C4orf36: variants seen among roughly 807,000 people sequenced by gnomAD.
C4orf36 encodes the protein uncharacterized protein C4orf36.
C4orf36 carries 11 observed loss-of-function variants against 12.2 expected under a neutral mutation model. The ratio of observed to expected loss-of-function variants is 0.90; its 90% confidence interval spans 0.57 to 1.49. The LOEUF (loss-of-function observed/expected upper bound fraction) is 1.49, where lower values mean the gene tolerates loss of function less well. C4orf36 is among the 40% of genes most tolerant of loss of function. The probability of loss-of-function intolerance (pLI) is 0.00; values close to 1 mark genes in which losing one functional copy is unlikely to be tolerated. For synonymous variants in C4orf36, 54 were observed against 51.3 expected, an observed-to-expected ratio of 1.05 and a Z score of -0.22; for missense variants, 137 against 133.9, an observed-to-expected ratio of 1.02 and a Z score of -0.11.
At chr4:86,901,177 G>A in the C4orf36 span, among the ~76,000 whole-genome samples, 1 of 151,650 alleles carries the variant, frequency 6.6e-6, no homozygotes, top group South Asian at 2.1e-4. Context: ...TACAGATGGG[G>A]TTTCACCATG....
At chr4:86,922,443 C>T in the C4orf36 span, among the ~76,000 whole-genome samples, 1 of 152,192 alleles carries the variant, frequency 6.6e-6, no homozygotes, top group Non-Finnish European at 1.5e-5. Context: ...CAATTTATTG[C>T]TCCTTAGTCC....
the C4orf36 span, among the ~76,000 whole-genome samples, chr4:86,903,931 C>T: frequency 0.46 from 69,379 of 152,076 alleles, 17,299 homozygotes; most frequent in South Asian, 0.68. Context: ...CTGATTGGTG[C>T]GTTTACAAAC....
intron 2 of C4orf36, 124 bp downstream of exon 2, chr4:86,891,332 A>C: frequency 1.2e-6 from 1 of 815,812 alleles, no homozygotes; most frequent in South Asian, 2.0e-5. Flanking sequence ...CAGACACCTC[A>C]AAATACTTCA....
the C4orf36 span, among the ~76,000 whole-genome samples, chr4:86,927,770 G>A: frequency 6.7e-6 from 1 of 149,106 alleles, no homozygotes; most frequent in African/African-American, 2.5e-5. Context: ...CTGCACTCCA[G>A]CCTGGGCAAC....
the C4orf36 span, chr4:86,913,612 G>T: frequency 7.0e-7 from 1 of 1,420,146 alleles, no homozygotes; most frequent in South Asian, 1.2e-5. Flanking sequence ...AAACACTTAG[G>T]AGCAGCAGGA....
the C4orf36 span, among the ~76,000 whole-genome samples, chr4:86,901,382 C>A: frequency 6.6e-6 from 1 of 151,500 alleles, no homozygotes; most frequent in Non-Finnish European, 1.5e-5. Context: ...CACACTCACA[C>A]ACACAGCTTT....
intron 4 of C4orf36, among the ~76,000 whole-genome samples, chr4:86,878,960 G>T (rs751383724): frequency 3.1e-4 from 47 of 152,220 alleles, no homozygotes; most frequent in East Asian, 1.9e-4. Context: ...TTCCCAGAAA[G>T]GTTTGGGAGG....
intron 4 of C4orf36, among the ~76,000 whole-genome samples, chr4:86,880,179 C>T (rs1458529500): frequency 6.6e-6 from 1 of 152,110 alleles, no homozygotes; most frequent in Non-Finnish European, 1.5e-5. Flanking sequence ...TAGCAGAAAC[C>T]CTGCAGGCCA....
chr4:86,917,506 G>GA, the C4orf36 span, among the ~76,000 whole-genome samples: 1 of 142,438 alleles, frequency 7.0e-6, no homozygotes, highest in Admixed American at 7.4e-5. Flanking sequence ...GAAAGAAAGA[G>GA]AAAAAGAAGA....
At chr4:86,879,451 A>G (rs992895406) in intron 4 of C4orf36, among the ~76,000 whole-genome samples, 6 of 152,224 alleles carry the variant, frequency 3.9e-5, no homozygotes, top group African/African-American at 1.4e-4. Flanking sequence ...AAAAAGAGTC[A>G]GTGAATTTGA....
chr4:86,890,685 A>G (rs946546568), intron 2 of C4orf36, among the ~76,000 whole-genome samples: 2 of 152,192 alleles, frequency 1.3e-5, no homozygotes, highest in African/African-American at 2.4e-5. Flanking sequence ...TGTTTAAAAG[A>G]CAAATTCAGC....
At chr4:86,922,948 CCTTT>C in the C4orf36 span, among the ~76,000 whole-genome samples, 59 of 148,084 alleles carry the variant, frequency 4.0e-4, no homozygotes, top group Admixed American at 3.9e-3. Flanking sequence ...TCTTCTTCTT[CCTTT>C]TTTTTTTTTT....
chr4:86,931,352 C>A, the C4orf36 span, among the ~76,000 whole-genome samples: 1 of 146,868 alleles, frequency 6.8e-6, no homozygotes, highest in Admixed American at 6.7e-5. Flanking sequence ...TCCCTCTCCT[C>A]ATCTACACCG....
chr4:86,897,120 G>C (rs1416664442), upstream of C4orf36, among the ~76,000 whole-genome samples: 2 of 152,100 alleles, frequency 1.3e-5, no homozygotes, highest in Admixed American at 6.5e-5. Context: ...CAGCACTTTG[G>C]GGGGTCAAGG....
At position 86,887,848 on chromosome 4, in the gene C4orf36, A is replaced by C; in HGVS notation, c.266T>G (p.Leu89Arg). The C allele has an allele frequency of 6.2e-7, 1 of 1,614,204 alleles. No individual in the cohort carries two copies. Among genetic ancestry groups the C allele is most frequent in the Non-Finnish European group, 8.5e-7 (1 of 1,180,016 alleles). The part of the protein sequence containing the change: ...REYEVKRLCK[L>R]KCQENTSKEI... ...CTTAGATGTATTTTCTTGACACTTC[A>C]GTTTACAAAGACGCTTCACTTCATA... The change falls in exon 4 of 5, where the codon CTG becomes CGG. Residue 89 changes from leucine to arginine, a missense_variant. Coordinates refer to ENST00000295898, the MANE Select transcript of C4orf36 (RefSeq NM_144645.4).
chr4:86,887,794 G>A lies in C4orf36; in HGVS notation c.320C>T (p.Pro107Leu). The A allele has an allele frequency of 3.7e-6, 6 of 1,614,198 alleles. No individual in the cohort carries two copies. The highest frequency in any genetic ancestry group is 1.6e-4 in the Middle Eastern group (1 of 6,062). ...KEIQLLLRER[P>L]AGLRRPLPSK is the part of the protein sequence containing the mutation. ...TGGAAGAGGTCTTCTCAAACCGGCTGGCCTTTCCCTCAGGAGAAGCTGAAT... is the reference window on the plus strand; with the variant it reads ...TGGAAGAGGTCTTCTCAAACCGGCTAGCCTTTCCCTCAGGAGAAGCTGAAT... Residue 107 changes from proline to leucine, a missense_variant, in exon 4 of 5, where the codon CCA becomes CTA. Physicochemically the swap from Pro to Leu is moderately conservative, Grantham distance 98 (BLOSUM62 -3). Transcript: ENST00000295898.
rs777625383 is a variant in C4orf36, at chr4:86,892,362, A to G, written c.-253T>C. 2 of 985,338 alleles carry G rather than the reference A, an allele frequency of 2.0e-6. No homozygotes were observed. Among genetic ancestry groups the G allele is most frequent in the Non-Finnish European group, 2.4e-6 (2 of 829,882 alleles). The allele number at this position is 985,338 out of a possible 1,614,324, so 61.0% of individuals were successfully genotyped here. On this transcript the variant is annotated 5_prime_UTR_variant, in exon 1 of 5. Coordinates refer to ENST00000295898, the MANE Select transcript of C4orf36 (RefSeq NM_144645.4). ...GCGCTAAGCGCACATGGCCGCGCAC[A>G]CGCCTCGGGGCCGCGCCGCAGGCAC...
the C4orf36 span, among the ~76,000 whole-genome samples, chr4:86,909,210 G>A: frequency 2.6e-5 from 4 of 152,156 alleles, no homozygotes; most frequent in Non-Finnish European, 5.9e-5. Flanking sequence ...ACTTAGCCAA[G>A]CTAACACCAT....
the C4orf36 span, among the ~76,000 whole-genome samples, chr4:86,912,382 G>A: frequency 2.0e-5 from 3 of 152,160 alleles, no homozygotes; most frequent in African/African-American, 7.2e-5. Flanking sequence ...AAAATGTTAA[G>A]GAACCTATTG....
Sources: allele counts gnomAD v4.1 joint callset (sites outside exome capture counted in the v4.1 genomes callset), GRCh38; gene constraint gnomAD v4.1.1; transcripts MANE v1.5; gene names NCBI Gene and HGNC (gene_info 2026-07-23, HGNC 2026-07-21).